The following ARHGAP15 variants were observed in gnomAD, a reference collection of about 807,000 sequenced individuals.
ARHGAP15 encodes rho GTPase-activating protein 15.
Under a neutral mutation model 63.7 loss-of-function variants are expected in ARHGAP15, and 51 were observed. The ratio of observed to expected loss-of-function variants is 0.80; its 90% confidence interval spans 0.64 to 1.01. The LOEUF is 1.01. Among genes scored for constraint, ARHGAP15 ranks in the 50% least tolerant of loss-of-function variants. The pLI, the probability that ARHGAP15 is intolerant of heterozygous loss-of-function variation, is 0.00. For synonymous variants in ARHGAP15, 191 were observed against 193.8 expected (o/e 0.99, Z 0.12); for missense variants, 560 against 564.6 (o/e 0.99, Z 0.08).
chr2:143,674,409 A>T (rs943675341), intron 12 of ARHGAP15, among the ~76,000 whole-genome samples: 1 of 152,234 alleles, frequency 6.6e-6, no homozygotes, highest in African/African-American at 2.4e-5. Context: ...TTTATAAAAC[A>T]TTCAAGAATA....
At chr2:143,151,274 A>G (rs1411676796) in intron 1 of ARHGAP15, among the ~76,000 whole-genome samples, 1 of 151,992 alleles carries the variant, frequency 6.6e-6, no homozygotes, top group Non-Finnish European at 1.5e-5. Flanking sequence ...CATAAAGGCT[A>G]AAAAATAAGA....
chr2:143,415,347 G>C (rs974052912), intron 6 of ARHGAP15, among the ~76,000 whole-genome samples: 4 of 151,592 alleles, frequency 2.6e-5, no homozygotes, highest in African/African-American at 9.7e-5. Flanking sequence ...TGTGACTAAA[G>C]ATACTACAAA....
intron 6 of ARHGAP15, among the ~76,000 whole-genome samples, chr2:143,368,513 A>G (rs1686399027): frequency 6.6e-6 from 1 of 152,190 alleles, no homozygotes; most frequent in Middle Eastern, 3.4e-3. Context: ...TTAAGCAAAG[A>G]AGTGACATGA....
At chr2:143,478,307 A>C (rs1691917565) in intron 8 of ARHGAP15, among the ~76,000 whole-genome samples, 1 of 151,296 alleles carries the variant, frequency 6.6e-6, no homozygotes, top group Admixed American at 6.6e-5. Flanking sequence ...ACCTAAGATG[A>C]CTCTTTTTCT....
At chr2:143,747,748 T>C (rs991821550) in intron 13 of ARHGAP15, among the ~76,000 whole-genome samples, 2 of 152,258 alleles carry the variant, frequency 1.3e-5, no homozygotes, top group Non-Finnish European at 2.9e-5. Context: ...TTCCGTTGTA[T>C]GGATATACCA....
intron 6 of ARHGAP15, among the ~76,000 whole-genome samples, chr2:143,342,461 A>C (rs929343131): frequency 2.0e-5 from 3 of 152,114 alleles, no homozygotes; most frequent in Non-Finnish European, 4.4e-5. Context: ...TGCCATGATC[A>C]TTCTCTCCTG....
rs1558779847 is a variant in ARHGAP15 at position 143,153,876 on chromosome 2, C to CTCCTCT, written c.-14-1596_-14-1595insTTCCTC. ...CCTCCTCCTCCTCCTCCTCCTCTTC[C>CTCCTCT]TCCTCCTCCTCCTCCTCCTCCTCCT... On this transcript the variant is annotated intron_variant, in intron 1 of 13. Coordinates refer to ENST00000295095, the MANE Select transcript of ARHGAP15 (RefSeq NM_018460.4). Among the ~76,000 whole-genome samples, 558 of 57,252 alleles carry CTCCTCT rather than the reference C, an allele frequency of 9.7e-3. 33 individuals are homozygous for CTCCTCT. The highest frequency in any genetic ancestry group is 0.041 in the South Asian group (60 of 1,446). The allele number at this position is 57,252 out of a possible 152,430, so 37.6% of individuals were successfully genotyped here. A position where few individuals can be genotyped will look rare whatever the true frequency, so the allele number is the denominator to read the frequency against.
rs567109924 is a variant in ARHGAP15 at position 143,508,243 on chromosome 2, C to T, written c.827-11023C>T. ...TAAGGAACCTGGCTTACACCAGCAG[C>T]TTTATACACTTGCTGCTCCCCTTGT... On this transcript the variant is annotated intron_variant, in intron 9 of 13. Coordinates refer to ENST00000295095, the MANE Select transcript of ARHGAP15 (RefSeq NM_018460.4). Among the ~76,000 whole-genome samples the T allele has an allele frequency of 2.0e-5, 3 of 152,326 alleles. No homozygotes were observed. The East Asian group carries it at 5.8e-4, about 29-fold the overall frequency.
intron 6 of ARHGAP15, among the ~76,000 whole-genome samples, chr2:143,317,160 A>G (rs1683758153): frequency 6.6e-6 from 1 of 152,158 alleles, no homozygotes; most frequent in Non-Finnish European, 1.5e-5. Flanking sequence ...TTCACTTGGA[A>G]ATATAAGATC....
At chr2:143,515,790 A>G (rs1693788409) in intron 9 of ARHGAP15, among the ~76,000 whole-genome samples, 1 of 152,230 alleles carries the variant, frequency 6.6e-6, no homozygotes, top group Non-Finnish European at 1.5e-5. Context: ...AATCAATGGT[A>G]TCTGCACACT....
At chr2:143,278,074 A>T (rs1229368315) in intron 6 of ARHGAP15, among the ~76,000 whole-genome samples, 1 of 152,152 alleles carries the variant, frequency 6.6e-6, no homozygotes, top group Non-Finnish European at 1.5e-5. Context: ...ATTTTATCCT[A>T]TGTAGAAAGA....
intron 13 of ARHGAP15, among the ~76,000 whole-genome samples, chr2:143,727,773 T>A (rs1220723427): frequency 1.3e-5 from 2 of 152,216 alleles, no homozygotes; most frequent in Non-Finnish European, 2.9e-5. Flanking sequence ...ATGCATATTA[T>A]GACAATGTGG....
intron 8 of ARHGAP15, among the ~76,000 whole-genome samples, chr2:143,475,344 C>T (rs759649697): frequency 1.3e-5 from 2 of 152,218 alleles, no homozygotes; most frequent in African/African-American, 2.4e-5. Context: ...CAGATCTGCT[C>T]AGAGCACCCC....
chr2:143,360,581 C>T (rs1686005579), intron 6 of ARHGAP15, among the ~76,000 whole-genome samples: 1 of 151,948 alleles, frequency 6.6e-6, no homozygotes. Context: ...GACTTGAAAA[C>T]AGGAAACCTG....
chr2:143,648,178 G>T (rs771709544), intron 12 of ARHGAP15, among the ~76,000 whole-genome samples: 3 of 151,966 alleles, frequency 2.0e-5, no homozygotes, highest in Non-Finnish European at 2.9e-5. Flanking sequence ...ATGCTTAGCT[G>T]GTTTCTTGTT....
intron 6 of ARHGAP15, among the ~76,000 whole-genome samples, chr2:143,332,497 A>G (rs761444966): frequency 1.3e-5 from 2 of 152,190 alleles, no homozygotes; most frequent in Non-Finnish European, 2.9e-5. Context: ...GAAAAGATGA[A>G]TATCACTTCA....
chr2:143,438,420 C>T (rs1689713189), intron 8 of ARHGAP15, among the ~76,000 whole-genome samples: 1 of 152,068 alleles, frequency 6.6e-6, no homozygotes, highest in South Asian at 2.1e-4. Context: ...TATGTGATAA[C>T]ATATTTGCCA....
intron 10 of ARHGAP15, among the ~76,000 whole-genome samples, chr2:143,543,932 C>G (rs1410505984): frequency 6.6e-6 from 1 of 152,062 alleles, no homozygotes; most frequent in African/African-American, 2.4e-5. Flanking sequence ...TCTCCTAGAC[C>G]ACTAGAGGAA....
intron 10 of ARHGAP15, among the ~76,000 whole-genome samples, chr2:143,531,571 C>T (rs1019574238): frequency 6.6e-6 from 1 of 152,142 alleles, no homozygotes; most frequent in Admixed American, 6.5e-5. Flanking sequence ...ATATTTTAAC[C>T]TCTACAATTA....
Sources: allele counts gnomAD v4.1 joint callset (sites outside exome capture counted in the v4.1 genomes callset), GRCh38; gene constraint gnomAD v4.1.1; transcripts MANE v1.5; gene names NCBI Gene and HGNC (gene_info 2026-07-23, HGNC 2026-07-21).